The following PRAMEF2 variants were observed in gnomAD, a reference collection of about 807,000 sequenced individuals.
PRAMEF2 encodes PRAME family member 2.
PRAMEF2 carries 35 observed loss-of-function variants against 38.0 expected under a neutral mutation model. The ratio of observed to expected loss-of-function variants is 0.92; its 90% CI spans 0.70 to 1.22. The LOEUF (loss-of-function observed/expected upper bound fraction) is 1.22. Among genes scored for constraint, PRAMEF2 ranks in the 50% most tolerant of loss-of-function variants. The pLI, the probability that PRAMEF2 is intolerant of heterozygous loss-of-function variation, is 0.00. For missense variants in PRAMEF2, 562 were observed against 553.9 expected (o/e 1.01, Z -0.15); for synonymous variants, 240 against 232.4 (o/e 1.03, Z -0.30).
intron 1 of PRAMEF2, among the ~76,000 whole-genome samples, chr1:12,858,026 C>G (rs541366456): frequency 6.8e-6 from 1 of 147,754 alleles, no homozygotes; most frequent in Admixed American, 7.0e-5. Context: ...ACATACCTTC[C>G]AAATGCTGTG....
intron 1 of PRAMEF2, among the ~76,000 whole-genome samples, chr1:12,858,703 C>A (rs1239266320): frequency 6.7e-6 from 1 of 149,512 alleles, no homozygotes; most frequent in Non-Finnish European, 1.5e-5. Flanking sequence ...CTTTCAGGAT[C>A]CTCAGTGGCA....
At chr1:12,857,687 C>G (rs185428495) in intron 1 of PRAMEF2, among the ~76,000 whole-genome samples, 1 of 141,912 alleles carries the variant, frequency 7.0e-6, no homozygotes, top group Non-Finnish European at 1.5e-5. Context: ...CATGGTAGCA[C>G]TTTTACAGTT....
intron 3 of PRAMEF2, 106 bp downstream of exon 3, chr1:12,860,377 A>G: frequency 1.3e-6 from 2 of 1,540,202 alleles, no homozygotes; most frequent in Non-Finnish European, 1.8e-6. Context: ...GCAACGTCAC[A>G]GTGAAGGGAA....
chr1:12,858,496 C>T (rs1442041796), intron 1 of PRAMEF2, among the ~76,000 whole-genome samples: 4 of 150,126 alleles, frequency 2.7e-5, no homozygotes, highest in Non-Finnish European at 4.4e-5. Context: ...AGCCACAGCA[C>T]CTGGTCCATT....
rs1216877356 is a variant in PRAMEF2 at position 12,860,859 on chromosome 1, C to T, written c.867-362C>T. ...TGCAGGCATGTCAGGGAGCCCCTGC[C>T]GACATGTAGCCCTAGCTGATGTCCC... On this transcript the variant is annotated intron_variant, in intron 3 of 3. Coordinates refer to ENST00000240189, the MANE Select transcript of PRAMEF2 (RefSeq NM_023014.1). Among the ~76,000 whole-genome samples, 11 of 149,922 alleles carry T rather than the reference C, an allele frequency of 7.3e-5. 1 individual carries two copies. Among genetic ancestry groups the T allele is most frequent in the East Asian group, 1.9e-4 (1 of 5,138 alleles).
Position 12,860,412 on chromosome 1 carries a change from C to A in PRAMEF2, c.866+141C>A, listed in dbSNP as rs1279237261. ...ACACCAGAATGTCAACACATTGTCC[C>A]ATTCAGTGTTCCATGTCCTGGAGTG... On this transcript the variant is annotated intron_variant, in intron 3 of 3. Transcript: ENST00000240189. The A allele has an allele frequency of 2.7e-6, 4 of 1,495,938 alleles. No homozygotes were observed. The African/African-American group carries it at 5.6e-5, about 21-fold the overall frequency. 92.7% of individuals were successfully genotyped at this position (1,495,938 alleles called of 1,614,324 possible).
At position 12,861,005 on chromosome 1, in the gene PRAMEF2, C is replaced by A. The variant is rs536787037; in HGVS notation, c.867-216C>A. Among the ~76,000 whole-genome samples the A allele has an allele frequency of 2.0e-5, 3 of 149,478 alleles. 1 individual carries two copies. In the Admixed American group the frequency reaches 2.1e-4, roughly 10 times the overall value. Reference sequence around the variant, plus strand: ...GCTTTAGAGATTTTATGGCCTTGACCCAATCACACAAGCAATGGTGAAAGG... The same window carrying A: ...GCTTTAGAGATTTTATGGCCTTGACACAATCACACAAGCAATGGTGAAAGG... On this transcript the variant is annotated intron_variant, in intron 3 of 3. Coordinates refer to ENST00000240189, the MANE Select transcript of PRAMEF2 (RefSeq NM_023014.1).
intron 2 of PRAMEF2, among the ~76,000 whole-genome samples, 174 bp downstream of exon 2, chr1:12,859,470 T>C (rs1186296575): frequency 1.3e-5 from 2 of 151,006 alleles, no homozygotes; most frequent in African/African-American, 4.9e-5. Flanking sequence ...CTGCTCACCA[T>C]ACAGGGTCCA....
rs549127894 is a variant in PRAMEF2, at chr1:12,858,143, T to A, written c.-25-842T>A. ...TGGAGTGCAGGGCCCTGAGCTGGGC[T>A]CCCTGGAAACTCTGCCTCTGGGCTT... On this transcript the variant is annotated intron_variant, in intron 1 of 3. Transcript: ENST00000240189. 5.2e-4 allele frequency among the ~76,000 whole-genome samples: 78 copies of A among 150,134 alleles called. 4 individuals are homozygous for A. Among genetic ancestry groups the A allele is most frequent in the African/African-American group, 1.9e-3 (76 of 40,982 alleles).
chr1:12,859,429 T>C, intron 2 of PRAMEF2, 133 bp downstream of exon 2: 5 of 1,514,090 alleles, frequency 3.3e-6, no homozygotes, highest in Non-Finnish European at 1.8e-6. Flanking sequence ...CAGGGAGGCT[T>C]TGGCCATTGT....
In PRAMEF2 at chr1:12,859,022, G is replaced by A. The variant is rs1640492499; in HGVS notation, c.13G>A (p.Ala5Thr). The A allele has an allele frequency of 1.9e-6, 3 of 1,598,286 alleles. No individual in the cohort carries two copies. Among genetic ancestry groups the A allele is most frequent in the Non-Finnish European group, 2.6e-6 (3 of 1,174,304 alleles). The change falls in exon 2 of 4, where the codon GCC becomes ACC. Residue 5 changes from alanine to threonine, a missense_variant. Physicochemically the swap from Ala to Thr is moderately conservative, Grantham distance 58. Around this residue, in one of 2 missense-constraint regions of PRAMEF2, gnomAD observed 486 missense variants for 444.2 expected, o/e 1.09. Coordinates refer to ENST00000240189, the MANE Select transcript of PRAMEF2 (RefSeq NM_023014.1). ...CAGATCCATCAGGATGAGCATCCAGGCCCCACCGAGACTACTGGAGCTGGC... is the reference window on the plus strand; with the variant it reads ...CAGATCCATCAGGATGAGCATCCAGACCCCACCGAGACTACTGGAGCTGGC... MSIQAPPRLLELAGQ... is the reference protein window; with the variant it reads MSIQTPPRLLELAGQ...
chr1:12,860,126 A>C lies in PRAMEF2; in HGVS notation c.721A>C (p.Arg241=), dbSNP rs369440951. The C allele has an allele frequency of 1.9e-6, 3 of 1,606,704 alleles. No individual in the cohort carries two copies. In the African/African-American group the frequency reaches 4.0e-5, roughly 22 times the overall value. Residue 241 remains arginine, a synonymous_variant, in exon 3 of 4, where the codon AGG becomes CGG. Coordinates refer to ENST00000240189, the MANE Select transcript of PRAMEF2 (RefSeq NM_023014.1). ...GACTCTTTGCAAACTCGTTTTCTCC[A>C]GGTGCCATCATTACACGTCAGATAA... ...MKTLCKLVFS[R]CHHYTSDNEL... is the part of the protein sequence containing the mutation.
intron 1 of PRAMEF2, 94 bp downstream of exon 1, chr1:12,857,241 TTCTG>T (rs1340142099): frequency 2.0e-5 from 3 of 148,772 alleles, no homozygotes; most frequent in African/African-American, 7.5e-5. Context: ...CACAATATTT[TTCTG>T]TCTGTTTTGT....
rs1185327190 is a variant in PRAMEF2 at position 12,859,269 on chromosome 1, T to C, written c.260T>C (p.Met87Thr). The C allele has an allele frequency of 3.1e-6, 5 of 1,610,196 alleles. No homozygotes were observed. The South Asian group carries it at 5.5e-5, about 18-fold the overall frequency. The change falls in exon 2 of 4, where the codon ATG becomes ACG. Residue 87 changes from methionine to threonine, a missense_variant. By Grantham distance (81) the Met-to-Thr change is moderately conservative. This residue lies in a region of PRAMEF2 where 486 missense variants were observed against 444.2 expected (regional missense o/e 1.09). Coordinates refer to ENST00000240189, the MANE Select transcript of PRAMEF2 (RefSeq NM_023014.1). Reference protein sequence around the residue: ...PLKALLEGLHMLLTQKDRPRR... With the variant: ...PLKALLEGLHTLLTQKDRPRR... ...AAAGCATTGCTGGAAGGGCTTCATA[T>C]GCTGCTTACACAGAAGGATCGCCCC...
chr1:12,860,341 A>G lies in PRAMEF2; in HGVS notation c.866+70A>G, dbSNP rs183156477. 5.4e-4 allele frequency: 865 copies of G among 1,588,930 alleles called. 51 individuals carry two copies. In the African/African-American group the frequency reaches 0.01, roughly 19 times the overall value. On this transcript the variant is annotated intron_variant, in intron 3 of 3. Coordinates refer to ENST00000240189, the MANE Select transcript of PRAMEF2 (RefSeq NM_023014.1). ...TTGTTCTGTTACAGCAAACATTAGA[A>G]GGCGTGTACTGTGTGCCAGCCAGTG... is the stretch of plus-strand genomic sequence containing the variant.
chr1:12,859,331 C>T (rs200051529), intron 2 of PRAMEF2, 35 bp downstream of exon 2: 17,642 of 1,538,412 alleles, frequency 0.011, 682 homozygotes, highest in South Asian at 0.027. Flanking sequence ...AGATAGGGCT[C>T]AGGTGTCCAG....
At position 12,861,787 on chromosome 1, in the gene PRAMEF2, G is replaced by T. The variant is rs2994093; in HGVS notation, c.*8G>T. 6.4e-7 allele frequency: 1 copy of T among 1,574,194 alleles called. No individual in the cohort carries two copies. The highest frequency in any genetic ancestry group is 8.6e-7 in the Non-Finnish European group (1 of 1,158,062). On this transcript the variant is annotated 3_prime_UTR_variant, in exon 4 of 4. Coordinates refer to ENST00000240189, the MANE Select transcript of PRAMEF2 (RefSeq NM_023014.1). ...CTCCATCTTTGCTGCTAGGGAAGGC[G>T]TGCCCAGTGGGGTAGAGAAATCCAA...
rs143742734 is a variant in PRAMEF2, at chr1:12,861,550, G to T, written c.1196G>T (p.Arg399Leu). ...MSIDALKDLLRHTSGLSKLSL... is the reference protein window; with the variant it reads ...MSIDALKDLLLHTSGLSKLSL... ...ATTGACGCCCTGAAGGACCTGCTGC[G>T]CCACACCAGTGGGCTGAGCAAGTTA... is the stretch of plus-strand genomic sequence containing the variant. The change falls in exon 4 of 4, where the codon CGC becomes CTC. Residue 399 changes from arginine to leucine, a missense_variant. This residue lies in a region of PRAMEF2 where 76 missense variants were observed against 109.6 expected (regional missense o/e 0.69). Coordinates refer to ENST00000240189, the MANE Select transcript of PRAMEF2 (RefSeq NM_023014.1). 6.2e-6 allele frequency: 10 copies of T among 1,605,256 alleles called. No individual in the cohort carries two copies. The highest frequency in any genetic ancestry group is 2.2e-5 in the East Asian group (1 of 44,762).
At chr1:12,858,273 T>C (rs561445860) in intron 1 of PRAMEF2, among the ~76,000 whole-genome samples, 3 of 150,224 alleles carry the variant, frequency 2.0e-5, no homozygotes, top group Non-Finnish European at 3.0e-5. Flanking sequence ...TTGTTTATTT[T>C]TGAGTCAGAG....
Sources: allele counts gnomAD v4.1 joint callset (sites outside exome capture counted in the v4.1 genomes callset), GRCh38; gene constraint gnomAD v4.1.1; regional missense constraint gnomAD v4.1.1; transcripts MANE v1.5; gene names NCBI Gene and HGNC (gene_info 2026-07-23, HGNC 2026-07-21).